Variants in NLGN1 observed in about 807,000 individuals in gnomAD.
NLGN1 encodes the protein neuroligin-1.
In NLGN1, 12 loss-of-function variants were observed where a neutral mutation model predicts 65.5. That is an observed-to-expected ratio of 0.18 (90% confidence interval 0.12 to 0.30). The LOEUF is 0.30. Among genes scored for constraint, NLGN1 ranks in the 10% least tolerant of loss-of-function variants. The probability of loss-of-function intolerance (pLI) is 1.00; values close to 1 mark genes in which losing one functional copy is unlikely to be tolerated. For missense variants in NLGN1, 750 were observed against 1,007.1 expected (o/e 0.74, Z 3.46); for synonymous variants, 350 against 359.5 (o/e 0.97, Z 0.30).
intron 2 of NLGN1, among the ~76,000 whole-genome samples, chr3:173,493,899 TA>T (rs1220751588): frequency 6.6e-6 from 1 of 151,856 alleles, no homozygotes; most frequent in African/African-American, 2.4e-5. Flanking sequence ...TGAAAGTTTC[TA>T]AAAATTTATT....
At chr3:173,462,764 CTG>C (rs1321395858) in intron 2 of NLGN1, among the ~76,000 whole-genome samples, 13 of 152,202 alleles carry the variant, frequency 8.5e-5, no homozygotes, top group African/African-American at 2.6e-4. Context: ...ATTTTGATAA[CTG>C]TTTACATTTA....
chr3:173,622,572 G>T (rs559700303), intron 3 of NLGN1, among the ~76,000 whole-genome samples: 1 of 151,090 alleles, frequency 6.6e-6, no homozygotes, highest in Admixed American at 6.6e-5. Context: ...AAATAGTCCC[G>T]GTAAAAAGAG....
At chr3:174,112,252 G>A (rs953883806) in intron 4 of NLGN1, among the ~76,000 whole-genome samples, 1 of 151,950 alleles carries the variant, frequency 6.6e-6, no homozygotes, top group Non-Finnish European at 1.5e-5. Context: ...GTTGAAGAAT[G>A]AAGTCACTGG....
chr3:173,636,837 A>G (rs1176128228), intron 3 of NLGN1, among the ~76,000 whole-genome samples: 5 of 152,166 alleles, frequency 3.3e-5, no homozygotes, highest in African/African-American at 9.7e-5. Context: ...GTAATAATGA[A>G]TAAAATTAGA....
intron 2 of NLGN1, among the ~76,000 whole-genome samples, chr3:173,512,570 G>A (rs376984044): frequency 1.3e-5 from 2 of 152,190 alleles, no homozygotes; most frequent in South Asian, 2.1e-4. Context: ...TGGGGACAAG[G>A]TGGGCCATAG....
chr3:173,549,155 T>G (rs1372226859), intron 2 of NLGN1, among the ~76,000 whole-genome samples: 1 of 151,916 alleles, frequency 6.6e-6, no homozygotes, highest in African/African-American at 2.4e-5. Context: ...TGAAATAGTT[T>G]GTAACTATTC....
intron 3 of NLGN1, among the ~76,000 whole-genome samples, chr3:173,747,146 T>G (rs544428029): frequency 6.7e-6 from 1 of 149,166 alleles, no homozygotes; most frequent in East Asian, 2.0e-4. Context: ...TATATGTATA[T>G]GTATATATGT....
intron 4 of NLGN1, among the ~76,000 whole-genome samples, chr3:174,134,144 A>G (rs561626332): frequency 6.6e-6 from 1 of 152,334 alleles, no homozygotes; most frequent in African/African-American, 2.4e-5. Flanking sequence ...AGTTGCGATT[A>G]AAGGACAGAA....
chr3:173,665,551 C>T (rs544019505), intron 3 of NLGN1, among the ~76,000 whole-genome samples: 10 of 152,108 alleles, frequency 6.6e-5, no homozygotes, highest in South Asian at 6.2e-4. Flanking sequence ...TATATTTCTG[C>T]GGAAATGACA....
chr3:173,605,399 T>C (rs1199518950), intron 3 of NLGN1, 135 bp from the exon 3 acceptor site: 2 of 450,846 alleles, frequency 4.4e-6, no homozygotes, highest in East Asian at 5.6e-5. Context: ...TCATTGCATG[T>C]GCAGGCTCAA....
chr3:173,665,547 T>C (rs1041138809), intron 3 of NLGN1, among the ~76,000 whole-genome samples: 4 of 152,174 alleles, frequency 2.6e-5, no homozygotes, highest in African/African-American at 9.7e-5. Context: ...TCATTATATT[T>C]CTGCGGAAAT....
intron 3 of NLGN1, among the ~76,000 whole-genome samples, chr3:173,676,039 G>A (rs1763123475): frequency 6.6e-6 from 1 of 151,734 alleles, no homozygotes; most frequent in African/African-American, 2.4e-5. Flanking sequence ...GTAGGAAATG[G>A]GTAAAGTGTG....
intron 4 of NLGN1, among the ~76,000 whole-genome samples, chr3:173,946,008 G>A (rs1331339231): frequency 6.6e-6 from 1 of 152,202 alleles, no homozygotes; most frequent in East Asian, 1.9e-4. Context: ...CTGATGCTGA[G>A]CATATGTTTA....
intron 4 of NLGN1, among the ~76,000 whole-genome samples, chr3:174,054,436 T>C (rs1329811059): frequency 6.6e-6 from 1 of 152,096 alleles, no homozygotes; most frequent in East Asian, 1.9e-4. Flanking sequence ...AATAATTCAA[T>C]GAGTTCTATA....
At chr3:173,408,115 GAGTGC>G (rs1711647506) in intron 1 of NLGN1, among the ~76,000 whole-genome samples, 1 of 152,082 alleles carries the variant, frequency 6.6e-6, no homozygotes, top group Admixed American at 6.5e-5. Context: ...GCCCAGGCTG[GAGTGC>G]AGTGGCACAA....
chr3:174,043,821 C>T (rs1006606654), intron 4 of NLGN1, among the ~76,000 whole-genome samples: 4 of 152,218 alleles, frequency 2.6e-5, no homozygotes, highest in Non-Finnish European at 5.9e-5. Context: ...GCAGTGTCCC[C>T]AGTGGGGACG....
Position 173,608,630 on chromosome 3 carries a change from T to C in NLGN1, c.493+3539T>C, listed in dbSNP as rs1371750976. Among the ~76,000 whole-genome samples the C allele has an allele frequency of 4.0e-5, 6 of 151,892 alleles. 1 individual carries two copies. The highest frequency in any genetic ancestry group is 2.6e-4 in the Admixed American group (4 of 15,202). Reference sequence around the variant, plus strand: ...CTTACCACTGGCTGCTAGTTAGTGGTAGAGGCAAGTTTGGCCTTAATTCTT... The same window carrying C: ...CTTACCACTGGCTGCTAGTTAGTGGCAGAGGCAAGTTTGGCCTTAATTCTT... On this transcript the variant is annotated intron_variant, in intron 3 of 6. Transcript: ENST00000457714.
At chr3:173,723,491 G>A (rs1323498536) in intron 3 of NLGN1, among the ~76,000 whole-genome samples, 1 of 151,892 alleles carries the variant, frequency 6.6e-6, no homozygotes, top group African/African-American at 2.4e-5. Context: ...TTTCAATGTT[G>A]AATCATAGTG....
At chr3:174,288,349 C>T (rs1364357411), downstream of NLGN1, among the ~76,000 whole-genome samples, 5 of 151,384 alleles carry the variant, frequency 3.3e-5, no homozygotes, top group African/African-American at 1.2e-4. Context: ...CTGATCCAGC[C>T]CCATAAGTGG....
Sources: gnomAD v4.1 joint callset for allele counts (sites outside exome capture counted in the v4.1 genomes callset) on GRCh38, gnomAD v4.1.1 for gene constraint, MANE v1.5 for transcripts, NCBI Gene and HGNC (gene_info 2026-07-23, HGNC 2026-07-21) for gene names.